The following TCHH variants were observed in gnomAD, a reference collection of about 807,000 sequenced individuals.
The protein encoded by TCHH is trichohyalin.
A neutral mutation model predicts 6.3 loss-of-function variants in TCHH; 6 were observed. The observed-to-expected ratio is 0.95, with a 90% CI of 0.52 to 1.88. The LOEUF (loss-of-function observed/expected upper bound fraction) is 1.88. TCHH is among the 40% of genes most tolerant of loss of function. The pLI is 0.01. For missense variants in TCHH, 2,920 were observed against 2,449.1 expected (o/e 1.19, Z -4.06); for synonymous variants, 1,087 against 963.6 (o/e 1.13, Z -2.37).
rs1184769543 is a variant in TCHH at position 152,113,990 on chromosome 1, T to C, written c.91A>G (p.Lys31Glu). 3 of 1,613,872 alleles carry C rather than the reference T, an allele frequency of 1.9e-6. No homozygotes were observed. Among genetic ancestry groups the C allele is most frequent in the Admixed American group, 3.3e-5 (2 of 59,992 alleles). ...CTTTCAAGGAGGTTCTTCAGGTCTT[T>C]CTTAGTTAATGCTGCTCCATCACAA... The part of the protein sequence containing the change: ...HDCDGAALTK[K>E]DLKNLLEREF... Residue 31 changes from lysine to glutamate, a missense_variant, in exon 2 of 3, where the codon AAA (lysine) becomes GAA (glutamate). By Grantham distance (56) the Lys-to-Glu change is moderately conservative. Transcript: ENST00000614923.
Position 152,108,859 on chromosome 1 carries a change from TG to T in TCHH, c.4357del (p.Gln1453SerfsTer120), listed in dbSNP as rs1290527122. The T allele has an allele frequency of 6.2e-7, 1 of 1,612,762 alleles. No individual in the cohort carries two copies. The highest frequency in any genetic ancestry group is 1.7e-5 in the Admixed American group (1 of 59,908). ...ERERKFLEEEQQLRQERHRKF... is the reference protein window; with the variant it reads ...ERERKFLEEEXQLRQERHRKF... ...TCTGTGACGCTCCTGGCGCAGCTGC[TG>T]TTCCTCCTCCAGGAATTTTCTCTCT... On this transcript the variant is annotated frameshift_variant, in exon 3 of 3. Transcript: ENST00000614923. LOFTEE classifies it low-confidence loss of function (END_TRUNC).
Position 152,110,708 on chromosome 1 carries a change from C to G in TCHH, c.2509G>C (p.Glu837Gln). Reference sequence around the variant, plus strand: ...CGCTCCCGCCGCTGGAGCTGCTCCTCTTCCTCCAGGAACTGCAGCTCTTTC... The same window carrying G: ...CGCTCCCGCCGCTGGAGCTGCTCCTGTTCCTCCAGGAACTGCAGCTCTTTC... ...REKELQFLEE[E>Q]EQLQRRERAQ... Residue 837 changes from glutamate (E) to glutamine (Q), a missense_variant, in exon 3 of 3, where the codon GAG becomes CAG. Transcript: ENST00000614923. 1 of 1,612,230 alleles carries G rather than the reference C, an allele frequency of 6.2e-7. No individual in the cohort carries two copies. Among genetic ancestry groups the G allele is most frequent in the East Asian group, 2.2e-5 (1 of 44,870 alleles).
chr1:152,113,088 T>C lies in TCHH; in HGVS notation c.139-10A>G, dbSNP rs1307517786. ...TAGGGTCATGTGGTCTCTATAAAAA[T>C]GGTGAAAACAAAAATTTTACAATGC... On this transcript the variant is annotated splice_polypyrimidine_tract_variant and intron_variant, in intron 2 of 2. Transcript: ENST00000614923. 2 of 1,564,094 alleles carry C rather than the reference T, an allele frequency of 1.3e-6. No homozygotes were observed. Among genetic ancestry groups the C allele is most frequent in the South Asian group, 1.2e-5 (1 of 84,508 alleles).
In TCHH at chr1:152,107,263, A is replaced by G. The variant is rs1658129670; in HGVS notation, c.*122T>C. 1 of 1,039,810 alleles carries G rather than the reference A, an allele frequency of 9.6e-7. No homozygotes were observed. The allele number at this position is 1,039,810 out of a possible 1,614,324, so 64.4% of individuals were successfully genotyped here. A position where few individuals can be genotyped will look rare whatever the true frequency, so the allele number is the denominator to read the frequency against. On this transcript the variant is annotated 3_prime_UTR_variant, in exon 3 of 3. Coordinates refer to ENST00000614923, the MANE Select transcript of TCHH (RefSeq NM_007113.4). ...GTAGTTTAAGATTTTGGAAGAAAAG[A>G]CATTCTAATATCAGAGAGTTTTCCC...
Position 152,108,003 on chromosome 1 carries a change from C to T in TCHH, c.5214G>A (p.Glu1738=), listed in dbSNP as rs757258212. Residue 1738 remains glutamate (E), a synonymous_variant, in exon 3 of 3, where the codon GAG becomes GAA. Coordinates refer to ENST00000614923, the MANE Select transcript of TCHH (RefSeq NM_007113.4). Reference sequence around the variant, plus strand: ...TGTAGCGTTCTTGGCGGCGCAGCTGCTCTTGCTCCGTTTCTTGGCGCAGCT... The same window carrying T: ...TGTAGCGTTCTTGGCGGCGCAGCTGTTCTTGCTCCGTTTCTTGGCGCAGCT... The part of the protein sequence containing the change: ...EEQLRQETEQ[E]QLRRQERYRK... The T allele has an allele frequency of 2.5e-6, 4 of 1,613,340 alleles. No individual in the cohort carries two copies. In the African/African-American group the frequency reaches 5.4e-5, roughly 22 times the overall value.
At position 152,106,365 on chromosome 1, in the gene TCHH, A is replaced by T. The variant is rs947841633; in HGVS notation, c.*1020T>A. The T allele has an allele frequency of 4.6e-5, 7 of 152,292 alleles. No homozygotes were observed. In the South Asian group the frequency reaches 1.5e-3, roughly 32 times the overall value. 9.4% of individuals were successfully genotyped at this position (152,292 alleles called of 1,614,324 possible). A position where few individuals can be genotyped will look rare whatever the true frequency, so the allele number is the denominator to read the frequency against. On this transcript the variant is annotated 3_prime_UTR_variant, in exon 3 of 3. Transcript: ENST00000614923. The stretch of plus-strand genomic sequence containing the variant: ...AATTTTTCACAGTCCAATTATTTCA[A>T]CAAGAATATATCTAAGGTATTATCA...
chr1:152,108,902 C>T lies in TCHH; in HGVS notation c.4315G>A (p.Val1439Met). Reference protein sequence around the residue: ...DRKFREEEQQVRRQERERKFL... With the variant: ...DRKFREEEQQMRRQERERKFL... ...TTTCTCTCTCGTTCCTGGCGGCGCA[C>T]CTGCTGTTCCTCTTCACGGAATTTT... Residue 1439 changes from valine (V) to methionine (M), a missense_variant, in exon 3 of 3, where the codon GTG becomes ATG. Val to Met is a conservative substitution (Grantham distance 21, BLOSUM62 1). Transcript: ENST00000614923. The T allele has an allele frequency of 6.3e-7, 1 of 1,591,896 alleles. No individual in the cohort carries two copies.
rs557620401 is a variant in TCHH at position 152,109,037 on chromosome 1, T to C, written c.4180A>G (p.Lys1394Glu). 11 of 1,599,636 alleles carry C rather than the reference T, an allele frequency of 6.9e-6. No individual in the cohort carries two copies. The African/African-American group carries it at 1.6e-4, about 23-fold the overall frequency. The change falls in exon 3 of 3, where the codon AAG (lysine) becomes GAG (glutamate). Residue 1394 changes from lysine (K) to glutamate (E), a missense_variant. Coordinates refer to ENST00000614923, the MANE Select transcript of TCHH (RefSeq NM_007113.4). ...TGGCAGCGCAGCTGCTGTTCCTCCTTAAGGAATTTTCTCTCCCGTTCCTGG... is the reference window on the plus strand; with the variant it reads ...TGGCAGCGCAGCTGCTGTTCCTCCTCAAGGAATTTTCTCTCCCGTTCCTGG... The part of the protein sequence containing the change: ...RRQERERKFL[K>E]EEQQLRCQER...
rs1189441253 is a variant in TCHH, at chr1:152,111,042, CT to C, written c.2174del (p.Lys725SerfsTer74). The C allele has an allele frequency of 6.2e-7, 1 of 1,613,454 alleles. No individual in the cohort carries two copies. Among genetic ancestry groups the C allele is most frequent in the Non-Finnish European group, 8.5e-7 (1 of 1,180,020 alleles). On this transcript the variant is annotated frameshift_variant, in exon 3 of 3. Coordinates refer to ENST00000614923, the MANE Select transcript of TCHH (RefSeq NM_007113.4). LOFTEE classifies it low-confidence loss of function (END_TRUNC). ...RQSKVYSRPR[K>X]QEGQRRRQEQ... ...CTTGGCGGCGCCTCTGCCCTTCCTG[CT>C]TGCGGGGCCTCGAGTAGACTTTGCT...
rs1364190487 is a variant in TCHH, at chr1:152,111,040, T to G, written c.2177A>C (p.Gln726Pro). The G allele has an allele frequency of 6.2e-7, 1 of 1,613,552 alleles. No homozygotes were observed. The highest frequency in any genetic ancestry group is 8.5e-7 in the Non-Finnish European group (1 of 1,180,000). The change falls in exon 3 of 3, where the codon CAG becomes CCG. Residue 726 changes from glutamine (Q) to proline (P), a missense_variant. Gln to Pro is a moderately conservative substitution (Grantham distance 76, BLOSUM62 -1). Coordinates refer to ENST00000614923, the MANE Select transcript of TCHH (RefSeq NM_007113.4). ...QSKVYSRPRK[Q>P]EGQRRRQEQE... is the part of the protein sequence containing the mutation. ...CTCTTGGCGGCGCCTCTGCCCTTCCTGCTTGCGGGGCCTCGAGTAGACTTT... is the reference window on the plus strand; with the variant it reads ...CTCTTGGCGGCGCCTCTGCCCTTCCGGCTTGCGGGGCCTCGAGTAGACTTT...
chr1:152,111,955 C>A lies in TCHH; in HGVS notation c.1262G>T (p.Arg421Leu). 1 of 1,546,262 alleles carries A rather than the reference C, an allele frequency of 6.5e-7. No individual in the cohort carries two copies. Among genetic ancestry groups the A allele is most frequent in the African/African-American group, 1.6e-5 (1 of 62,876 alleles). Reference sequence around the variant, plus strand: ...CTGCTCGCGCCTCAGCTGCTGCTCGCGCCTCAGCTGCTGCTCGCGCCTCAG... The same window carrying A: ...CTGCTCGCGCCTCAGCTGCTGCTCGAGCCTCAGCTGCTGCTCGCGCCTCAG... The part of the protein sequence containing the change: ...QQLRREQQLR[R>L]EQQLRREQEE... Residue 421 changes from arginine (R) to leucine (L), a missense_variant, in exon 3 of 3, where the codon CGC becomes CTC. Arg to Leu is a moderately radical substitution (Grantham distance 102). Coordinates refer to ENST00000614923, the MANE Select transcript of TCHH (RefSeq NM_007113.4).
chr1:152,110,015 G>T lies in TCHH; in HGVS notation c.3202C>A (p.Arg1068=), dbSNP rs769313231. The T allele has an allele frequency of 9.1e-6, 14 of 1,535,300 alleles. No homozygotes were observed. In the Middle Eastern group the frequency reaches 1.0e-3, roughly 114 times the overall value. ...AGCTCCTGGCGCCTTCTCGTCTCCC[G>T]TTCCTCTCCCAGCAGCTGCTCTTCC... is the stretch of plus-strand genomic sequence containing the variant. ...QEEEQLLGEE[R]ETRRRQELER... The change falls in exon 3 of 3, where the codon CGG becomes AGG. Residue 1068 remains arginine, a synonymous_variant. Coordinates refer to ENST00000614923, the MANE Select transcript of TCHH (RefSeq NM_007113.4).
chr1:152,109,472 G>A lies in TCHH; in HGVS notation c.3745C>T (p.Gln1249Ter), dbSNP rs762256753. 6.2e-7 allele frequency: 1 copy of A among 1,614,232 alleles called. No individual in the cohort carries two copies. Among genetic ancestry groups the A allele is most frequent in the South Asian group, 1.1e-5 (1 of 91,088 alleles). The change falls in exon 3 of 3, where the codon CAG becomes TAG. Residue 1249 changes from glutamine (Q) to a stop codon, truncating the protein, a stop_gained. Coordinates refer to ENST00000614923, the MANE Select transcript of TCHH (RefSeq NM_007113.4). LOFTEE classifies it low-confidence loss of function (END_TRUNC). ...TGGGAATCTTCCAACTGCCGGAACTGTTCATTCTCTCTGCCTTTGCAGTAA... is the reference window on the plus strand; with the variant it reads ...TGGGAATCTTCCAACTGCCGGAACTATTCATTCTCTCTGCCTTTGCAGTAA... ...KVYCKGRENE[Q>*]FRQLEDSQLR...
Position 152,107,944 on chromosome 1 carries a change from T to C in TCHH, c.5273A>G (p.Glu1758Gly). ...GCGGCGCAGCTGCTGTTCTTCCCTT[T>C]CCGGACGGAGCTGCTCTTCCTCTAG... Reference protein sequence around the residue: ...KILEEEQLRPEREEQQLRRQE... With the variant: ...KILEEEQLRPGREEQQLRRQE... The change falls in exon 3 of 3, where the codon GAA becomes GGA. Residue 1758 changes from glutamate to glycine, a missense_variant. Coordinates refer to ENST00000614923, the MANE Select transcript of TCHH (RefSeq NM_007113.4). The C allele has an allele frequency of 6.2e-7, 1 of 1,601,556 alleles. No individual in the cohort carries two copies. The highest frequency in any genetic ancestry group is 8.5e-7 in the Non-Finnish European group (1 of 1,174,006).
chr1:152,110,863 G>C lies in TCHH; in HGVS notation c.2354C>G (p.Ser785Trp), dbSNP rs749708392. 6.2e-7 allele frequency: 1 copy of C among 1,609,666 alleles called. No individual in the cohort carries two copies. Among genetic ancestry groups the C allele is most frequent in the Admixed American group, 1.7e-5 (1 of 59,960 alleles). The change falls in exon 3 of 3, where the codon TCG becomes TGG. Residue 785 changes from serine to tryptophan, a missense_variant. Coordinates refer to ENST00000614923, the MANE Select transcript of TCHH (RefSeq NM_007113.4). ...EKSERGRQRL[S>W]ARPPLREQRE... is the part of the protein sequence containing the mutation. Reference sequence around the variant, plus strand: ...CTGCTCCCGCAATGGGGGCCTGGCCGACAGCCTCTGACGGCCCCTCTCGCT... The same window carrying C: ...CTGCTCCCGCAATGGGGGCCTGGCCCACAGCCTCTGACGGCCCCTCTCGCT...
In TCHH at chr1:152,111,465, C is replaced by T; in HGVS notation, c.1752G>A (p.Glu584=). 1.2e-6 allele frequency: 2 copies of T among 1,611,444 alleles called. No individual in the cohort carries two copies. Among genetic ancestry groups the T allele is most frequent in the Non-Finnish European group, 1.7e-6 (2 of 1,178,862 alleles). ...RRDQLLKREE[E]RRQQRLKREQ... The stretch of plus-strand genomic sequence containing the variant: ...CGCGCTTCAGCCGCTGCTGGCGCCT[C>T]TCCTCCTCGCGCTTCAGCAGCTGAT... Residue 584 remains glutamate (E), a synonymous_variant, in exon 3 of 3, where the codon GAG becomes GAA. Coordinates refer to ENST00000614923, the MANE Select transcript of TCHH (RefSeq NM_007113.4).
chr1:152,110,869 C>T lies in TCHH; in HGVS notation c.2348G>A (p.Arg783Lys), dbSNP rs193075767. 1 of 1,610,362 alleles carries T rather than the reference C, an allele frequency of 6.2e-7. No homozygotes were observed. The highest frequency in any genetic ancestry group is 8.5e-7 in the Non-Finnish European group (1 of 1,179,686). The change falls in exon 3 of 3, where the codon AGG becomes AAG. Residue 783 changes from arginine to lysine, a missense_variant. Transcript: ENST00000614923. ...AEEKSERGRQ[R>K]LSARPPLREQ... Reference sequence around the variant, plus strand: ...CCGCAATGGGGGCCTGGCCGACAGCCTCTGACGGCCCCTCTCGCTCTTTTC... The same window carrying T: ...CCGCAATGGGGGCCTGGCCGACAGCTTCTGACGGCCCCTCTCGCTCTTTTC...
At position 152,112,314 on chromosome 1, in the gene TCHH, C is replaced by A; in HGVS notation, c.903G>T (p.Arg301Ser). ...GCTTGCGCCTTAGTTGCTGCTCGCGCCTCAGCCTTTGCTGCTGCTGCTCTT... is the reference window on the plus strand; with the variant it reads ...GCTTGCGCCTTAGTTGCTGCTCGCGACTCAGCCTTTGCTGCTGCTGCTCTT... Reference protein sequence around the residue: ...QEEEQQQQRLRREQQLRRKQE... With the variant: ...QEEEQQQQRLSREQQLRRKQE... Residue 301 changes from arginine to serine, a missense_variant, in exon 3 of 3, where the codon AGG (arginine) becomes AGT (serine). Coordinates refer to ENST00000614923, the MANE Select transcript of TCHH (RefSeq NM_007113.4). The A allele has an allele frequency of 6.2e-7, 1 of 1,612,334 alleles. No homozygotes were observed. Among genetic ancestry groups the A allele is most frequent in the Non-Finnish European group, 8.5e-7 (1 of 1,179,974 alleles).
In TCHH at chr1:152,113,841, G is replaced by T. The variant is rs540261359; in HGVS notation, c.138+102C>A. ...GGGGATGTAGTGTAGACCTGTTGTG[G>T]TGTAAAATGAATATAAAACCACCAT... On this transcript the variant is annotated intron_variant, in intron 2 of 2. Transcript: ENST00000614923. 90 of 1,357,446 alleles carry T rather than the reference G, an allele frequency of 6.6e-5. No homozygotes were observed. In the South Asian group the frequency reaches 1.2e-3, roughly 17 times the overall value. The allele number at this position is 1,357,446 out of a possible 1,614,324, so 84.1% of individuals were successfully genotyped here.
Sources: allele counts gnomAD v4.1 joint callset, GRCh38; gene constraint gnomAD v4.1.1; transcripts MANE v1.5; gene names NCBI Gene and HGNC (gene_info 2026-07-23, HGNC 2026-07-21).